Variants in BCL11B observed in about 807,000 individuals in gnomAD.
BCL11B encodes BCL11 transcription factor B.
A neutral mutation model predicts 49.9 loss-of-function variants in BCL11B; 8 were observed. That is an observed-to-expected ratio of 0.16 (90% confidence interval 0.09 to 0.29). BCL11B has a LOEUF of 0.29. BCL11B is among the 10% of genes least tolerant of loss of function. The pLI, the probability that BCL11B is intolerant of heterozygous loss-of-function variation, is 1.00. For synonymous variants in BCL11B, 739 were observed against 637.4 expected, an observed-to-expected ratio of 1.16 and a Z score of -2.40; for missense variants, 1,006 against 1,351.0, an observed-to-expected ratio of 0.74 and a Z score of 4.00.
At position 99,228,767 on chromosome 14, in the gene BCL11B, C is replaced by T. The variant is rs1343263182; in HGVS notation, c.640+2578G>A. Among the ~76,000 whole-genome samples the T allele has an allele frequency of 6.6e-6, 1 of 152,236 alleles. No individual in the cohort carries two copies. Among genetic ancestry groups the T allele is most frequent in the East Asian group, 1.9e-4 (1 of 5,200 alleles). ...ACTCCCTCCCTCCCTGCTCCTCCTT[C>T]CCCTTCTGCAGGTCCCCACTCCCTG... is the stretch of plus-strand genomic sequence containing the variant. On this transcript the variant is annotated intron_variant, in intron 3 of 3. Coordinates refer to ENST00000357195, the MANE Select transcript of BCL11B (RefSeq NM_138576.4). The surrounding 1 kb of genome is among the most constrained non-coding windows in gnomAD (Gnocchi z 4.8).
intron 1 of BCL11B, among the ~76,000 whole-genome samples, chr14:99,266,802 A>T (rs925146894): frequency 1.3e-5 from 2 of 152,170 alleles, no homozygotes; most frequent in African/African-American, 4.8e-5. Context: ...AAGCCAATTC[A>T]ACTGAAAGTT....
intron 2 of BCL11B, among the ~76,000 whole-genome samples, chr14:99,252,407 C>T (rs908557703): frequency 4.6e-5 from 7 of 152,064 alleles, no homozygotes; most frequent in Admixed American, 3.3e-4. Context: ...TTTTTTTTCA[C>T]GTTTATTTTA....
rs566360544 is a variant in BCL11B, at chr14:99,196,202, G to A, written c.641-20007C>T. 9.2e-5 allele frequency among the ~76,000 whole-genome samples: 14 copies of A among 152,238 alleles called. No individual in the cohort carries two copies. In the East Asian group the frequency reaches 1.5e-3, roughly 17 times the overall value. On this transcript the variant is annotated intron_variant, in intron 3 of 3. Coordinates refer to ENST00000357195, the MANE Select transcript of BCL11B (RefSeq NM_138576.4). ...CTCCCAATGCTGCCCCCCAGCCCAC[G>A]TCTCCCCAGCCAAGCCCTCTTCTCA...
In BCL11B at chr14:99,174,657, G is replaced by A. The variant is rs1357207200; in HGVS notation, c.2179C>T (p.Leu727=). 1 of 1,580,182 alleles carries A rather than the reference G, an allele frequency of 6.3e-7. No individual in the cohort carries two copies. Among genetic ancestry groups the A allele is most frequent in the South Asian group, 1.1e-5 (1 of 87,922 alleles). The part of the protein sequence containing the change: ...ASRHFMKDPF[L]GFTDARQSPF... ...GACTGTCGTGCGTCCGTGAAGCCCAGGAAGGGGTCCTTCATGAAGTGCCGC... is the reference window on the plus strand; with the variant it reads ...GACTGTCGTGCGTCCGTGAAGCCCAAGAAGGGGTCCTTCATGAAGTGCCGC... Residue 727 remains leucine (L), a synonymous_variant, in exon 4 of 4, where the codon CTG becomes TTG. Transcript: ENST00000357195.
rs933452314 is a variant in BCL11B at position 99,173,152 on chromosome 14, T to A, written c.*999A>T. On this transcript the variant is annotated 3_prime_UTR_variant, in exon 4 of 4. Coordinates refer to ENST00000357195, the MANE Select transcript of BCL11B (RefSeq NM_138576.4). The stretch of plus-strand genomic sequence containing the variant: ...TAAAAGAACACCGCTAGTTTCTTCC[T>A]TTCTGTGTCACTGCAGGCCACCCCA... The A allele has an allele frequency of 4.3e-6, 1 of 230,832 alleles. No individual in the cohort carries two copies. The highest frequency in any genetic ancestry group is 2.2e-5 in the African/African-American group (1 of 45,200). 14.3% of individuals were successfully genotyped at this position (230,832 alleles called of 1,614,324 possible).
At position 99,262,514 on chromosome 14, in the gene BCL11B, TC is replaced by T. The variant is rs1262789384; in HGVS notation, c.59-4676del. Reference sequence around the variant, plus strand: ...AAAGGGAAGGATGTGGGGGGATGGGTCCCAGGCTCTTAAAATCGTGTGCCAC... The same window carrying T: ...AAAGGGAAGGATGTGGGGGGATGGGTCCAGGCTCTTAAAATCGTGTGCCAC... On this transcript the variant is annotated intron_variant, in intron 1 of 3. Transcript: ENST00000357195. This position sits in a 1 kb window ranked among gnomAD's most constrained non-coding sequence, Gnocchi z 4.2. 6.6e-6 allele frequency among the ~76,000 whole-genome samples: 1 copy of T among 151,932 alleles called. No homozygotes were observed. The highest frequency in any genetic ancestry group is 2.4e-5 in the African/African-American group (1 of 41,346).
intron 3 of BCL11B, among the ~76,000 whole-genome samples, chr14:99,226,825 T>C (rs1265408341): frequency 6.6e-6 from 1 of 152,264 alleles, no homozygotes; most frequent in Non-Finnish European, 1.5e-5. Flanking sequence ...GGTATTCTTT[T>C]ATCTTTATTG....
chr14:99,218,159 A>G (rs1257090678), intron 3 of BCL11B, among the ~76,000 whole-genome samples: 2 of 137,892 alleles, frequency 1.5e-5, no homozygotes, highest in Non-Finnish European at 3.0e-5. Context: ...TCCGCCTCCC[A>G]GGTTCACGCC....
chr14:99,181,869 A>G (rs746673385), intron 3 of BCL11B, among the ~76,000 whole-genome samples: 7 of 152,210 alleles, frequency 4.6e-5, no homozygotes, highest in East Asian at 3.9e-4. Context: ...TCACCGGCCA[A>G]CCACTCAGTC....
In BCL11B at chr14:99,257,359, G is replaced by A; in HGVS notation, c.427+112C>T. 7.2e-7 allele frequency: 1 copy of A among 1,382,776 alleles called. No homozygotes were observed. Among genetic ancestry groups the A allele is most frequent in the Non-Finnish European group, 9.6e-7 (1 of 1,044,016 alleles). The allele number at this position is 1,382,776 out of a possible 1,614,324, so 85.7% of individuals were successfully genotyped here. On this transcript the variant is annotated intron_variant, in intron 2 of 3. Transcript: ENST00000357195. This position sits in a 1 kb window ranked among gnomAD's most constrained non-coding sequence, Gnocchi z 6.2. ...AGGGGGAGCCCCGGCTGGTGGCCCA[G>A]AGGCCATCCTGGAAGCCCCTGGGCC... is the stretch of plus-strand genomic sequence containing the variant.
intron 3 of BCL11B, among the ~76,000 whole-genome samples, chr14:99,177,517 A>G (rs807569): frequency 0.79 from 118,417 of 149,156 alleles, 47,407 homozygotes; most frequent in Non-Finnish European, 0.85. Context: ...CGGTGCAGAC[A>G]GGACCCGTCT....
chr14:99,261,250 C>T (rs936327117), intron 1 of BCL11B, among the ~76,000 whole-genome samples: 2 of 152,172 alleles, frequency 1.3e-5, no homozygotes, highest in Non-Finnish European at 2.9e-5. Context: ...TTGTAGACAC[C>T]CCCAAAGACT....
Position 99,257,563 on chromosome 14 carries a change from G to A in BCL11B, c.335C>T (p.Pro112Leu), listed in dbSNP as rs748592687. The stretch of plus-strand genomic sequence containing the variant: ...GGTGACTTGGATCCCGATCTCCACC[G>A]GCTCGGACACTTTCCTGAGCTCGGA... Reference protein sequence around the residue: ...SRSELRKVSEPVEIGIQVTPD... With the variant: ...SRSELRKVSELVEIGIQVTPD... Residue 112 changes from proline to leucine, a missense_variant, in exon 2 of 4, where the codon CCG becomes CTG. By Grantham distance (98) the Pro-to-Leu change is moderately conservative. This residue lies in a region of BCL11B where 411 missense variants were observed against 542.2 expected (regional missense o/e 0.76). Coordinates refer to ENST00000357195, the MANE Select transcript of BCL11B (RefSeq NM_138576.4). The surrounding 1 kb of genome is among the most constrained non-coding windows in gnomAD (Gnocchi z 6.2). 1.5e-5 allele frequency: 24 copies of A among 1,614,064 alleles called. No individual in the cohort carries two copies. The highest frequency in any genetic ancestry group is 6.7e-5 in the East Asian group (3 of 44,858).
At chr14:99,237,579 G>A (rs1374330145) in intron 2 of BCL11B, among the ~76,000 whole-genome samples, 1 of 152,130 alleles carries the variant, frequency 6.6e-6, no homozygotes, top group Non-Finnish European at 1.5e-5. Flanking sequence ...GTTTTGTCTG[G>A]GCACCCGATG....
chr14:99,202,107 G>A (rs566422128), intron 3 of BCL11B, among the ~76,000 whole-genome samples: 4 of 152,056 alleles, frequency 2.6e-5, no homozygotes, highest in Non-Finnish European at 4.4e-5. Context: ...TCAGCCTCCC[G>A]ATTAGCTGGG....
intron 3 of BCL11B, among the ~76,000 whole-genome samples, chr14:99,180,500 G>C (rs1294068910): frequency 6.6e-6 from 1 of 152,160 alleles, no homozygotes; most frequent in African/African-American, 2.4e-5. Flanking sequence ...CTGGACAACA[G>C]CAGTGCGTCC....
chr14:99,239,505 T>C (rs1394084684), intron 2 of BCL11B, among the ~76,000 whole-genome samples: 2 of 152,166 alleles, frequency 1.3e-5, no homozygotes, highest in Non-Finnish European at 2.9e-5. Flanking sequence ...CTCAGATATG[T>C]TCCTATTTCT....
intron 3 of BCL11B, among the ~76,000 whole-genome samples, chr14:99,218,232 ATTTTTTTTTTTT>A (rs34932370): frequency 1.8e-5 from 2 of 112,888 alleles, no homozygotes; most frequent in African/African-American, 3.5e-5. Context: ...TGCCTGGCTA[ATTTTTTTTTTTT>A]TTTTTTTTTG....
At chr14:99,254,892 A>G (rs1337544449) in intron 2 of BCL11B, among the ~76,000 whole-genome samples, 2 of 152,250 alleles carry the variant, frequency 1.3e-5, no homozygotes, top group Non-Finnish European at 2.9e-5. Context: ...TACAATAAAT[A>G]ACTGAAAGTT....
Sources: gnomAD v4.1 joint callset for allele counts (sites outside exome capture counted in the v4.1 genomes callset) on GRCh38, gnomAD v4.1.1 for gene constraint, gnomAD v4.1.1 regional missense constraint, Gnocchi (gnomAD v3.1) non-coding constraint, MANE v1.5 for transcripts, NCBI Gene and HGNC (gene_info 2026-07-23, HGNC 2026-07-21) for gene names.